Variants in SPATA22 observed in about 807,000 individuals in gnomAD.
SPATA22 encodes spermatogenesis associated 22.
Under a neutral mutation model 47.8 loss-of-function variants are expected in SPATA22, and 29 were observed. The observed-to-expected ratio is 0.61, with a 90% CI of 0.45 to 0.83. The LOEUF (loss-of-function observed/expected upper bound fraction) is 0.83, where lower values mean the gene tolerates loss of function less well. SPATA22 is among the 40% of genes least tolerant of loss of function. The pLI is 0.00. For synonymous variants in SPATA22, 133 were observed against 140.9 expected, an observed-to-expected ratio of 0.94 and a Z score of 0.40; for missense variants, 410 against 421.7, an observed-to-expected ratio of 0.97 and a Z score of 0.24.
intron 5 of SPATA22, among the ~76,000 whole-genome samples, chr17:3,456,248 T>C (rs1028350441): frequency 6.6e-6 from 1 of 151,432 alleles, no homozygotes; most frequent in Non-Finnish European, 1.5e-5. Flanking sequence ...AAAAAATTAA[T>C]GAATCCAGGA....
rs2073626890 is a variant in SPATA22 at position 3,481,555 on chromosome 17, TATCTC to T, written c.-73-12162_-73-12158del. On this transcript the variant is annotated intron_variant, in intron 1 of 8. Transcript: ENST00000541913. ...CTGTGTTCTTATTATATGTTTATAT[TATCTC>T]AGGCACAGATGTTGTTCATCTTTTT... The T allele has an allele frequency of 2.0e-6, 3 of 1,523,170 alleles. No homozygotes were observed. In the East Asian group the frequency reaches 6.8e-5, roughly 35 times the overall value. 94.4% of individuals were successfully genotyped at this position (1,523,170 alleles called of 1,614,324 possible).
At chr17:3,466,623 G>A (rs1232149999) in intron 3 of SPATA22, among the ~76,000 whole-genome samples, 1 of 152,218 alleles carries the variant, frequency 6.6e-6, no homozygotes, top group Non-Finnish European at 1.5e-5. Flanking sequence ...AAGCCAACTG[G>A]ATGAAGGTGT....
intron 1 of SPATA22, among the ~76,000 whole-genome samples, chr17:3,494,946 C>T (rs2073885371): frequency 1.3e-5 from 2 of 152,092 alleles, no homozygotes; most frequent in African/African-American, 2.4e-5. Flanking sequence ...TCAAGTTGGC[C>T]GCATCACTTG....
chr17:3,442,123 C>CT (rs2072611093), intron 8 of SPATA22, among the ~76,000 whole-genome samples: 1 of 151,856 alleles, frequency 6.6e-6, no homozygotes, highest in African/African-American at 2.4e-5. Context: ...GATTTTTATA[C>CT]TTTTCTGTAC....
intron 5 of SPATA22, among the ~76,000 whole-genome samples, chr17:3,454,831 G>C (rs1452005856): frequency 6.6e-6 from 1 of 152,066 alleles, no homozygotes; most frequent in African/African-American, 2.4e-5. Flanking sequence ...GGGATGGCTG[G>C]GTCAAATGGT....
intron 6 of SPATA22, among the ~76,000 whole-genome samples, chr17:3,447,165 A>G (rs1360370196): frequency 6.6e-6 from 1 of 152,162 alleles, no homozygotes; most frequent in Admixed American, 6.6e-5. Context: ...AAAACACACA[A>G]GGTAAATGGA....
At chr17:3,445,568 G>A (rs894553054) in intron 7 of SPATA22, among the ~76,000 whole-genome samples, 5 of 152,168 alleles carry the variant, frequency 3.3e-5, no homozygotes, top group Non-Finnish European at 2.9e-5. Flanking sequence ...GAGTTAAGAA[G>A]TGGGTGTGGT....
upstream of SPATA22, chr17:3,476,162 G>T (rs1597422213): frequency 6.2e-7 from 1 of 1,613,092 alleles, no homozygotes; most frequent in South Asian, 1.1e-5. Flanking sequence ...TTGGTGAAAT[G>T]ACTTCTTGTC....
At chr17:3,508,506 T>A (rs2074063201) in intron 1 of SPATA22, among the ~76,000 whole-genome samples, 1 of 148,598 alleles carries the variant, frequency 6.7e-6, no homozygotes, top group African/African-American at 2.5e-5. Context: ...AACCCAGATG[T>A]CCAACAATGA....
upstream of SPATA22, chr17:3,476,240 A>C: frequency 1.2e-6 from 2 of 1,614,176 alleles, no homozygotes; most frequent in Non-Finnish European, 1.7e-6. Flanking sequence ...AGCTAACCGG[A>C]GTATTTCTGG....
intron 1 of SPATA22, among the ~76,000 whole-genome samples, chr17:3,504,554 C>CTTTTT (rs34155812): frequency 2.2e-5 from 3 of 138,664 alleles, no homozygotes; most frequent in African/African-American, 8.2e-5. Context: ...ATTTTCTTTT[C>CTTTTT]TTTTTTTTTT....
chr17:3,495,032 C>G (rs2073886669), intron 1 of SPATA22, among the ~76,000 whole-genome samples: 1 of 152,032 alleles, frequency 6.6e-6, no homozygotes, highest in African/African-American at 2.4e-5. Context: ...CCCAACTCTC[C>G]TCAGAACCCC....
At chr17:3,478,101 C>G (rs533111490) in intron 1 of SPATA22, among the ~76,000 whole-genome samples, 1 of 152,020 alleles carries the variant, frequency 6.6e-6, no homozygotes, top group Non-Finnish European at 1.5e-5. Context: ...AGGAGAATGG[C>G]GTGAACCTGG....
At chr17:3,498,241 G>A (rs557457078) in intron 1 of SPATA22, among the ~76,000 whole-genome samples, 4 of 152,306 alleles carry the variant, frequency 2.6e-5, no homozygotes, top group Non-Finnish European at 5.9e-5. Context: ...ACTTGAGCTG[G>A]CAACAGGCAG....
intron 1 of SPATA22, chr17:3,489,204 T>A (rs1368545752): frequency 7.8e-7 from 1 of 1,278,904 alleles, no homozygotes; most frequent in Admixed American, 1.7e-5. Context: ...CATACTTATA[T>A]AAATGTGACT....
intron 1 of SPATA22, among the ~76,000 whole-genome samples, chr17:3,482,546 A>C (rs1252921412): frequency 6.6e-6 from 1 of 152,174 alleles, no homozygotes; most frequent in African/African-American, 2.4e-5. Context: ...AACCTTAGAC[A>C]AAACACACCA....
upstream of SPATA22, chr17:3,475,447 T>A (rs1326367650): frequency 6.6e-6 from 1 of 152,296 alleles, no homozygotes; most frequent in African/African-American, 2.4e-5. Flanking sequence ...CATAAGTAAG[T>A]TAACACAGAA....
chr17:3,491,231 C>T (rs2073818958), intron 1 of SPATA22, among the ~76,000 whole-genome samples: 1 of 152,112 alleles, frequency 6.6e-6, no homozygotes, highest in Non-Finnish European at 1.5e-5. Context: ...ATTGTTTAAA[C>T]CAAATGTTTA....
chr17:3,464,548 C>A (rs541059610), intron 3 of SPATA22, among the ~76,000 whole-genome samples: 1 of 137,344 alleles, frequency 7.3e-6, no homozygotes, highest in Non-Finnish European at 1.7e-5. Context: ...CGCCTCTTCC[C>A]GGCCGCCATC....
Sources: gnomAD v4.1 joint callset for allele counts (sites outside exome capture counted in the v4.1 genomes callset) on GRCh38, gnomAD v4.1.1 for gene constraint, MANE v1.5 for transcripts, NCBI Gene and HGNC (gene_info 2026-07-23, HGNC 2026-07-21) for gene names.